GPC5: variants seen among roughly 807,000 people sequenced by gnomAD.
The protein encoded by GPC5 is glypican 5, also known as glypican-5.
In GPC5, 47 loss-of-function variants were observed where a neutral mutation model predicts 53.9. The observed-to-expected ratio is 0.87, with a 90% CI of 0.69 to 1.11. The LOEUF is 1.11. Among genes scored for constraint, GPC5 ranks in the 50% most tolerant of loss-of-function variants. The probability of loss-of-function intolerance (pLI) is 0.00; values close to 1 mark genes in which losing one functional copy is unlikely to be tolerated. For synonymous variants in GPC5, 286 were observed against 263.3 expected (o/e 1.09, Z -0.84); for missense variants, 748 against 713.1 (o/e 1.05, Z -0.56).
intron 7 of GPC5, among the ~76,000 whole-genome samples, chr13:92,209,575 C>T (rs79242635): frequency 1.3e-5 from 2 of 152,056 alleles, no homozygotes; most frequent in Non-Finnish European, 2.9e-5. Context: ...AATAAGCTTG[C>T]CCCTGAATCT....
chr13:92,549,638 T>C (rs1253740316), intron 7 of GPC5, among the ~76,000 whole-genome samples: 1 of 152,052 alleles, frequency 6.6e-6, no homozygotes, highest in Non-Finnish European at 1.5e-5. Context: ...GCTCAACAAA[T>C]GAGAATAATG....
intron 2 of GPC5, among the ~76,000 whole-genome samples, chr13:91,487,794 G>T (rs931713757): frequency 6.6e-6 from 1 of 152,008 alleles, no homozygotes; most frequent in African/African-American, 2.4e-5. Context: ...ATTCCTTCAG[G>T]CCCCATTTTC....
At chr13:92,158,671 T>C (rs1016659689) in intron 7 of GPC5, among the ~76,000 whole-genome samples, 7 of 152,038 alleles carry the variant, frequency 4.6e-5, no homozygotes, top group Admixed American at 3.3e-4. Context: ...ACTATCTTAG[T>C]TTAATTCCTC....
At chr13:91,455,925 A>C (rs1183248865) in intron 2 of GPC5, among the ~76,000 whole-genome samples, 1 of 152,174 alleles carries the variant, frequency 6.6e-6, no homozygotes, top group Non-Finnish European at 1.5e-5. Context: ...CAAAGTCTAA[A>C]GACCACATAC....
At chr13:92,333,666 C>A (rs1239077482) in intron 7 of GPC5, among the ~76,000 whole-genome samples, 1 of 152,062 alleles carries the variant, frequency 6.6e-6, no homozygotes, top group Non-Finnish European at 1.5e-5. Flanking sequence ...TTATTGAAGA[C>A]CCGTTTACAG....
chr13:92,663,576 AATAT>A (rs371066796), intron 7 of GPC5, among the ~76,000 whole-genome samples: 32,332 of 134,188 alleles, frequency 0.24, 4,523 homozygotes, highest in South Asian at 0.37. Flanking sequence ...GTTTCTACTA[AATAT>A]ATATATATAT....
chr13:91,516,819 C>T (rs1885528302), intron 2 of GPC5, among the ~76,000 whole-genome samples: 1 of 152,174 alleles, frequency 6.6e-6, no homozygotes, highest in South Asian at 2.1e-4. Context: ...GGCAGAGGTT[C>T]CCAAACCTAA....
intron 7 of GPC5, among the ~76,000 whole-genome samples, chr13:92,427,914 G>A (rs1876907017): frequency 6.6e-6 from 1 of 152,054 alleles, no homozygotes. Context: ...TATTGTTTTA[G>A]CAAAACATAG....
chr13:92,461,273 C>T (rs1878467734), intron 7 of GPC5, among the ~76,000 whole-genome samples: 1 of 152,096 alleles, frequency 6.6e-6, no homozygotes. Flanking sequence ...ATGTATTGAG[C>T]TGCTTCTATG....
At chr13:92,662,769 A>C (rs1223844604) in intron 7 of GPC5, among the ~76,000 whole-genome samples, 3 of 152,142 alleles carry the variant, frequency 2.0e-5, no homozygotes, top group African/African-American at 7.2e-5. Flanking sequence ...GTAGCTCTAA[A>C]GTTTAGTTTA....
At chr13:91,984,893 T>C (rs895005607) in intron 6 of GPC5, among the ~76,000 whole-genome samples, 4 of 152,222 alleles carry the variant, frequency 2.6e-5, no homozygotes, top group Non-Finnish European at 5.9e-5. Flanking sequence ...TGGTGTAAAA[T>C]ATAATCTACC....
At chr13:92,401,792 G>A (rs910459800) in intron 7 of GPC5, among the ~76,000 whole-genome samples, 3 of 152,136 alleles carry the variant, frequency 2.0e-5, no homozygotes, top group African/African-American at 7.2e-5. Context: ...TTGAGAAGGA[G>A]AGTCTATACA....
At chr13:91,423,106 G>A (rs1324397677) in intron 1 of GPC5, among the ~76,000 whole-genome samples, 1 of 152,082 alleles carries the variant, frequency 6.6e-6, no homozygotes, top group Non-Finnish European at 1.5e-5. Flanking sequence ...AATAATTCTT[G>A]GTAAAAATCA....
chr13:92,435,879 A>C (rs1877285482), intron 7 of GPC5, among the ~76,000 whole-genome samples: 1 of 152,206 alleles, frequency 6.6e-6, no homozygotes, highest in Non-Finnish European at 1.5e-5. Context: ...AAGACACTTA[A>C]TTCAACTCAA....
chr13:92,545,423 G>C (rs1030446553), intron 7 of GPC5, among the ~76,000 whole-genome samples: 3 of 152,064 alleles, frequency 2.0e-5, no homozygotes, highest in Non-Finnish European at 4.4e-5. Context: ...ATAATCCTTT[G>C]GGTATATACC....
intron 6 of GPC5, among the ~76,000 whole-genome samples, chr13:91,960,002 G>A (rs116099550): frequency 0.019 from 2,956 of 151,906 alleles, 90 homozygotes; most frequent in African/African-American, 0.067. Context: ...AGGAAAAGCC[G>A]AAAGCCTTTC....
At chr13:92,783,801 C>T (rs1360092912) in intron 7 of GPC5, among the ~76,000 whole-genome samples, 1 of 152,108 alleles carries the variant, frequency 6.6e-6, no homozygotes, top group African/African-American at 2.4e-5. Flanking sequence ...GAATGTCAGG[C>T]TACAACCCTG....
intron 7 of GPC5, among the ~76,000 whole-genome samples, chr13:92,155,493 C>G (rs1432519452): frequency 6.6e-6 from 1 of 151,920 alleles, no homozygotes; most frequent in African/African-American, 2.4e-5. Context: ...AAATATTTTT[C>G]TAGGAGGCTT....
At chr13:91,959,167 A>C (rs914343293) in intron 6 of GPC5, among the ~76,000 whole-genome samples, 1 of 151,540 alleles carries the variant, frequency 6.6e-6, no homozygotes, top group African/African-American at 2.4e-5. Context: ...CACTAGGAAG[A>C]TTAACCAATA....
Sources: allele counts gnomAD v4.1 joint callset (sites outside exome capture counted in the v4.1 genomes callset), GRCh38; gene constraint gnomAD v4.1.1; transcripts MANE v1.5; gene names NCBI Gene and HGNC (gene_info 2026-07-23, HGNC 2026-07-21).